SPIN1: variants seen among roughly 807,000 people sequenced by gnomAD.
SPIN1 encodes spindlin-1.
Under a neutral mutation model 26.0 loss-of-function variants are expected in SPIN1, and 3 were observed. That is an observed-to-expected ratio of 0.12 (90% CI 0.05 to 0.30). The LOEUF (loss-of-function observed/expected upper bound fraction) is 0.30. SPIN1 is among the 10% of genes least tolerant of loss of function. The probability of loss-of-function intolerance (pLI) is 1.00; values close to 1 mark genes in which losing one functional copy is unlikely to be tolerated. For synonymous variants in SPIN1, 101 were observed against 116.5 expected (o/e 0.87, Z 0.86); for missense variants, 126 against 333.4 (o/e 0.38, Z 4.84).
intron 1 of SPIN1, chr9:88,410,811 T>C (rs1827427045): frequency 2.1e-6 from 2 of 953,040 alleles, no homozygotes; most frequent in Non-Finnish European, 3.4e-6. Flanking sequence ...TGAAGTTTCC[T>C]CCACTACCAG....
chr9:88,403,180 G>A (rs1827226524), intron 1 of SPIN1, among the ~76,000 whole-genome samples: 1 of 151,870 alleles, frequency 6.6e-6, no homozygotes, highest in African/African-American at 2.4e-5. Flanking sequence ...GCATATTCTG[G>A]ATTTTAGTCC....
intron 2 of SPIN1, 131 bp downstream of exon 2, chr9:88,426,722 A>G (rs1587791075): frequency 1.5e-5 from 9 of 612,960 alleles, no homozygotes; most frequent in East Asian, 3.2e-5. Flanking sequence ...TTATACACAT[A>G]TGCATATATT....
At position 88,426,398 on chromosome 9, in the gene SPIN1, C is replaced by G; in HGVS notation, c.-142C>G. ...ATTTTACAGAGTGCTTGTGATTTCA[C>G]GTATTTTTGCTGAACTCGTAAAAGA... On this transcript the variant is annotated 5_prime_UTR_variant, in exon 2 of 6. Coordinates refer to ENST00000375859, the MANE Select transcript of SPIN1 (RefSeq NM_006717.3). 1 of 602,300 alleles carries G rather than the reference C, an allele frequency of 1.7e-6. No homozygotes were observed. Among genetic ancestry groups the G allele is most frequent in the Non-Finnish European group, 3.0e-6 (1 of 336,390 alleles). 37.3% of individuals were successfully genotyped at this position (602,300 alleles called of 1,614,324 possible). A position where few individuals can be genotyped will look rare whatever the true frequency, so the allele number is the denominator to read the frequency against.
chr9:88,458,593 G>A (rs988867888), intron 3 of SPIN1, among the ~76,000 whole-genome samples: 8 of 152,106 alleles, frequency 5.3e-5, no homozygotes, highest in Non-Finnish European at 1.0e-4. Context: ...CAGCGACAAC[G>A]AAAAATTCTG....
At chr9:88,439,761 CTCCA>C (rs1223229064) in intron 2 of SPIN1, among the ~76,000 whole-genome samples, 1 of 152,120 alleles carries the variant, frequency 6.6e-6, no homozygotes, top group African/African-American at 2.4e-5. Flanking sequence ...ACTTTTCTTC[CTCCA>C]AACTCTGCTT....
chr9:88,473,104 A>C lies in SPIN1; in HGVS notation c.590-1974A>C, dbSNP rs548434258. On this transcript the variant is annotated intron_variant, in intron 5 of 5. Coordinates refer to ENST00000375859, the MANE Select transcript of SPIN1 (RefSeq NM_006717.3). ...TACTTCTTCAATACATATTTTTAAAATTTTTGGGCTGGGCATGGTGGCTCA... is the reference window on the plus strand; with the variant it reads ...TACTTCTTCAATACATATTTTTAAACTTTTTGGGCTGGGCATGGTGGCTCA... Among the ~76,000 whole-genome samples, 5 of 152,186 alleles carry C rather than the reference A, an allele frequency of 3.3e-5. No homozygotes were observed. The South Asian group carries it at 1.0e-3, about 32-fold the overall frequency.
At chr9:88,408,747 C>A (rs138476739) in intron 1 of SPIN1, among the ~76,000 whole-genome samples, 11,176 of 147,976 alleles carry the variant, frequency 0.076, 1,320 homozygotes, top group African/African-American at 0.26. Flanking sequence ...GATCTCGGCT[C>A]ACTGCAACCT....
chr9:88,433,215 G>A (rs1453219192), intron 2 of SPIN1, among the ~76,000 whole-genome samples: 1 of 152,088 alleles, frequency 6.6e-6, no homozygotes, highest in Non-Finnish European at 1.5e-5. Flanking sequence ...GAGTAGCTGG[G>A]ACTACAGGCG....
At chr9:88,460,004 C>T (rs1237341093) in intron 3 of SPIN1, among the ~76,000 whole-genome samples, 1 of 152,254 alleles carries the variant, frequency 6.6e-6, no homozygotes, top group African/African-American at 2.4e-5. Context: ...TGTGTAAATG[C>T]CCAAAGGGTG....
At chr9:88,462,986 A>G (rs924395240) in intron 4 of SPIN1, among the ~76,000 whole-genome samples, 1 of 152,206 alleles carries the variant, frequency 6.6e-6, no homozygotes, top group Non-Finnish European at 1.5e-5. Flanking sequence ...GTAATAATTT[A>G]TAATACGGTT....
At chr9:88,443,923 C>G (rs1828190791) in intron 2 of SPIN1, among the ~76,000 whole-genome samples, 2 of 131,912 alleles carry the variant, frequency 1.5e-5, no homozygotes, top group Non-Finnish European at 3.0e-5. Context: ...GAGTTTTTGT[C>G]AGACCTGCCC....
At chr9:88,394,035 G>C (rs1289420870) in intron 1 of SPIN1, among the ~76,000 whole-genome samples, 3 of 152,054 alleles carry the variant, frequency 2.0e-5, no homozygotes, top group South Asian at 2.1e-4. Flanking sequence ...TTTTAGTAGA[G>C]ATGGGGTTTT....
chr9:88,406,225 T>C (rs1177523428), intron 1 of SPIN1, among the ~76,000 whole-genome samples: 1 of 151,848 alleles, frequency 6.6e-6, no homozygotes, highest in Non-Finnish European at 1.5e-5. Flanking sequence ...TTGACTGAAA[T>C]GTCTCTGTGT....
intron 1 of SPIN1, among the ~76,000 whole-genome samples, chr9:88,411,935 G>A (rs1222321276): frequency 1.3e-5 from 2 of 151,858 alleles, no homozygotes; most frequent in African/African-American, 4.8e-5. Context: ...ACTATGGGAG[G>A]CCGAGACGGG....
intron 1 of SPIN1, among the ~76,000 whole-genome samples, chr9:88,402,760 T>G (rs1587773890): frequency 6.6e-6 from 1 of 152,316 alleles, no homozygotes; most frequent in East Asian, 1.9e-4. Context: ...AATAGTGCTG[T>G]GGTAAACAGG....
intron 1 of SPIN1, among the ~76,000 whole-genome samples, chr9:88,402,581 A>G (rs1369925814): frequency 1.4e-5 from 2 of 148,060 alleles, no homozygotes; most frequent in East Asian, 2.0e-4. Context: ...TATGCCTGGC[A>G]TGGCTTATTT....
chr9:88,437,440 G>A (rs1325979739), intron 2 of SPIN1, among the ~76,000 whole-genome samples: 2 of 151,828 alleles, frequency 1.3e-5, no homozygotes, highest in African/African-American at 2.4e-5. Flanking sequence ...AGAAGCTTCA[G>A]TGAGCACTGA....
intron 1 of SPIN1, chr9:88,389,245 T>C (rs1358147696): frequency 6.6e-6 from 1 of 152,238 alleles, no homozygotes; most frequent in Non-Finnish European, 1.5e-5. Context: ...GGTTGCGTGC[T>C]CTGGAGAGAG....
chr9:88,440,054 T>C (rs1828087602), intron 2 of SPIN1, among the ~76,000 whole-genome samples: 1 of 152,208 alleles, frequency 6.6e-6, no homozygotes, highest in African/African-American at 2.4e-5. Context: ...TTCCAGTTTT[T>C]GCTTTCCACT....
Sources: allele counts gnomAD v4.1 joint callset (sites outside exome capture counted in the v4.1 genomes callset), GRCh38; gene constraint gnomAD v4.1.1; transcripts MANE v1.5; gene names NCBI Gene and HGNC (gene_info 2026-07-23, HGNC 2026-07-21).